Variants in ZFAT observed in about 807,000 individuals in gnomAD.
The protein encoded by ZFAT is zinc finger and AT-hook domain containing, also known as zinc finger protein ZFAT.
Under a neutral mutation model 117.7 loss-of-function variants are expected in ZFAT, and 64 were observed. The ratio of observed to expected loss-of-function variants is 0.54; its 90% CI spans 0.44 to 0.67. The LOEUF (loss-of-function observed/expected upper bound fraction) is 0.67. Ranked by LOEUF, ZFAT falls within the 30% of genes least tolerant of loss-of-function variation. ZFAT has a pLI of 0.00. For missense variants in ZFAT, 1,433 were observed against 1,584.5 expected (o/e 0.90, Z 1.62); for synonymous variants, 679 against 615.0 (o/e 1.10, Z -1.54).
the ZFAT span, chr8:134,764,919 A>C: frequency 6.6e-6 from 1 of 152,256 alleles, no homozygotes; most frequent in African/African-American, 2.4e-5. Context: ...TGCTAGTAGG[A>C]AGGCAAGCTG....
chr8:134,800,184 T>C, the ZFAT span, among the ~76,000 whole-genome samples: 1 of 152,194 alleles, frequency 6.6e-6, no homozygotes, highest in South Asian at 2.1e-4. Context: ...CCTTATGTCA[T>C]GTTAGTGCTA....
chr8:134,656,309 A>C (rs551559539), intron 2 of ZFAT, among the ~76,000 whole-genome samples: 2 of 152,274 alleles, frequency 1.3e-5, no homozygotes, highest in African/African-American at 4.8e-5. Context: ...TGCTTCCTCT[A>C]AATGGGGAGA....
At chr8:134,657,802 G>A (rs1831703506) in intron 1 of ZFAT, 65 bp from the exon 2 acceptor site, 2 of 1,533,086 alleles carry the variant, frequency 1.3e-6, no homozygotes, top group Admixed American at 1.8e-5. Flanking sequence ...ACTTCCAATT[G>A]CCAAAGACAA....
At chr8:134,572,897 C>T (rs1238927794) in intron 10 of ZFAT, among the ~76,000 whole-genome samples, 1 of 152,012 alleles carries the variant, frequency 6.6e-6, no homozygotes, top group African/African-American at 2.4e-5. Context: ...TTTATTTGAC[C>T]CACAGGCCCA....
chr8:134,788,653 C>A, the ZFAT span, among the ~76,000 whole-genome samples: 32 of 152,118 alleles, frequency 2.1e-4, no homozygotes, highest in African/African-American at 7.7e-4. Flanking sequence ...GATAGTCTAT[C>A]AGCTATGGAA....
chr8:134,747,512 A>C, the ZFAT span, among the ~76,000 whole-genome samples: 20 of 152,242 alleles, frequency 1.3e-4, no homozygotes, highest in Non-Finnish European at 2.5e-4. Flanking sequence ...ATTTAACACT[A>C]TTCTTTTAAT....
intron 1 of ZFAT, among the ~76,000 whole-genome samples, chr8:134,677,750 C>G (rs1832874463): frequency 6.6e-6 from 1 of 152,164 alleles, no homozygotes; most frequent in Non-Finnish European, 1.5e-5. Flanking sequence ...GCTTGTCCAC[C>G]ACGATTAAGT....
chr8:134,556,204 A>C (rs1468278319), intron 11 of ZFAT, among the ~76,000 whole-genome samples: 2 of 152,224 alleles, frequency 1.3e-5, no homozygotes, highest in East Asian at 3.8e-4. Flanking sequence ...ATCCTAAGAA[A>C]GGATAAGTGC....
Position 134,613,367 on chromosome 8 carries a change from C to T in ZFAT, c.449-2712G>A, listed in dbSNP as rs75222819. On this transcript the variant is annotated intron_variant, in intron 3 of 15. Coordinates refer to ENST00000377838, the MANE Select transcript of ZFAT (RefSeq NM_020863.4). ...AAACTGTGTCTGGATAAACCGCGTCCGGACTCTGCTTTAGGCATTGTATGT... is the reference window on the plus strand; with the variant it reads ...AAACTGTGTCTGGATAAACCGCGTCTGGACTCTGCTTTAGGCATTGTATGT... 1.9e-3 allele frequency among the ~76,000 whole-genome samples: 297 copies of T among 152,350 alleles called. 1 individual carries two copies. The highest frequency in any genetic ancestry group is 6.8e-3 in the African/African-American group (284 of 41,586).
At chr8:134,663,896 T>A (rs1042449766) in intron 1 of ZFAT, among the ~76,000 whole-genome samples, 1 of 152,140 alleles carries the variant, frequency 6.6e-6, no homozygotes, top group Non-Finnish European at 1.5e-5. Flanking sequence ...AATGGTGTCT[T>A]ATTCAAGTCC....
the ZFAT span, among the ~76,000 whole-genome samples, chr8:134,726,369 G>T: frequency 6.6e-6 from 1 of 152,204 alleles, no homozygotes; most frequent in Admixed American, 6.5e-5. Flanking sequence ...GCAGTGGCCT[G>T]CTAGCCTCTG....
At chr8:134,667,684 G>A (rs983727577) in intron 1 of ZFAT, among the ~76,000 whole-genome samples, 8 of 151,998 alleles carry the variant, frequency 5.3e-5, no homozygotes, top group East Asian at 3.9e-4. Context: ...CAGCATGAGC[G>A]ACACAGAAGA....
the ZFAT span, among the ~76,000 whole-genome samples, chr8:134,832,310 G>A: frequency 3.3e-5 from 5 of 151,858 alleles, no homozygotes; most frequent in African/African-American, 7.2e-5. Context: ...GAGGGAGAGC[G>A]GCTGTGCGCG....
chr8:134,644,193 C>T (rs911222186), intron 2 of ZFAT, among the ~76,000 whole-genome samples: 4 of 152,130 alleles, frequency 2.6e-5, no homozygotes, highest in Admixed American at 2.6e-4. Context: ...TCCTGCAGCC[C>T]CAGCACCTAG....
the ZFAT span, chr8:134,765,416 A>G: frequency 1.3e-5 from 2 of 152,122 alleles, no homozygotes; most frequent in Non-Finnish European, 2.9e-5. Flanking sequence ...GAATAATTAC[A>G]CTATGGAAAT....
intron 11 of ZFAT, among the ~76,000 whole-genome samples, chr8:134,551,849 C>T (rs903799839): frequency 5.9e-5 from 9 of 152,188 alleles, no homozygotes; most frequent in African/African-American, 1.7e-4. Flanking sequence ...CCTTTCACAC[C>T]GACACATTAT....
chr8:134,623,516 C>T (rs1317637751), intron 3 of ZFAT, among the ~76,000 whole-genome samples: 1 of 152,188 alleles, frequency 6.6e-6, no homozygotes, highest in African/African-American at 2.4e-5. Flanking sequence ...CTCCTCTGGG[C>T]TCTCAAGGTT....
intron 10 of ZFAT, among the ~76,000 whole-genome samples, chr8:134,580,081 G>A (rs552573529): frequency 6.6e-5 from 10 of 152,018 alleles, no homozygotes; most frequent in South Asian, 6.3e-4. Context: ...GCAGGAGGCC[G>A]CCAGGCAAAC....
At chr8:134,632,002 G>A (rs1829922544) in intron 3 of ZFAT, among the ~76,000 whole-genome samples, 1 of 152,080 alleles carries the variant, frequency 6.6e-6, no homozygotes, top group Non-Finnish European at 1.5e-5. Context: ...TTTATCTACT[G>A]AATTATATTT....
Sources: gnomAD v4.1 joint callset for allele counts (sites outside exome capture counted in the v4.1 genomes callset) on GRCh38, gnomAD v4.1.1 for gene constraint, MANE v1.5 for transcripts, NCBI Gene and HGNC (gene_info 2026-07-23, HGNC 2026-07-21) for gene names.